The following ANKRD45 variants were observed in gnomAD, a reference collection of about 807,000 sequenced individuals.
ANKRD45 encodes the protein ankyrin repeat domain 45.
Under a neutral mutation model 28.1 loss-of-function variants are expected in ANKRD45, and 21 were observed. That is an observed-to-expected ratio of 0.75 (90% confidence interval 0.53 to 1.08). ANKRD45 has a LOEUF of 1.08. ANKRD45 is among the 50% of genes least tolerant of loss of function. ANKRD45 has a pLI of 0.00. For missense variants in ANKRD45, 261 were observed against 308.7 expected, an observed-to-expected ratio of 0.85 and a Z score of 1.16; for synonymous variants, 86 against 103.9, an observed-to-expected ratio of 0.83 and a Z score of 1.05.
intron 1 of ANKRD45, among the ~76,000 whole-genome samples, chr1:173,663,911 C>T (rs190964121): frequency 6.6e-6 from 1 of 152,296 alleles, no homozygotes; most frequent in East Asian, 1.9e-4. Context: ...ATCCTGGATA[C>T]ATGGCATATA....
chr1:173,713,862 T>G, the ANKRD45 span, among the ~76,000 whole-genome samples: 2 of 152,128 alleles, frequency 1.3e-5, no homozygotes, highest in Non-Finnish European at 2.9e-5. Flanking sequence ...ATATAACTGA[T>G]TTGAGTAATA....
chr1:173,623,055 C>G (rs1189262637), intron 5 of ANKRD45, among the ~76,000 whole-genome samples: 1 of 151,286 alleles, frequency 6.6e-6, no homozygotes, highest in African/African-American at 2.4e-5. Flanking sequence ...GTGGCTCATG[C>G]CTGTAATCTC....
At chr1:173,669,524 C>T in intron 1 of ANKRD45, 1 of 454,946 alleles carries the variant, frequency 2.2e-6, no homozygotes, top group African/African-American at 2.0e-5. Context: ...AAAGTGGCAG[C>T]GCCGCCAGGT....
chr1:173,704,930 C>T, the ANKRD45 span, among the ~76,000 whole-genome samples: 67 of 152,310 alleles, frequency 4.4e-4, 2 homozygotes, highest in East Asian at 0.013. Context: ...CCTCTGCAGC[C>T]CCTCTGGGAA....
chr1:173,670,778 G>T (rs1231759087), upstream of ANKRD45, among the ~76,000 whole-genome samples: 1 of 152,118 alleles, frequency 6.6e-6, no homozygotes, highest in Non-Finnish European at 1.5e-5. Flanking sequence ...GGCACTCTCC[G>T]AATAGATAGA....
intron 3 of ANKRD45, among the ~76,000 whole-genome samples, chr1:173,627,871 T>A (rs2102329009): frequency 6.6e-6 from 1 of 151,820 alleles, no homozygotes; most frequent in South Asian, 2.1e-4. Flanking sequence ...GACTCCTTTC[T>A]TCTGCTTGAG....
Position 173,627,124 on chromosome 1 carries a change from CT to C in ANKRD45, c.531del (p.Val178SerfsTer3). On this transcript the variant is annotated frameshift_variant, in exon 4 of 6. Coordinates refer to ENST00000333279, the MANE Select transcript of ANKRD45 (RefSeq NM_198493.3). LOFTEE classifies it high-confidence loss of function. ...TCTGTGTCAGTAACAGCTAAAGAGA[CT>C]TTTGCAATATATTTTTTCAGAGTCA... ...ARLTLKKYIAKVSLAVTDTEK... is the reference protein window; with the variant it reads ...ARLTLKKYIAXVSLAVTDTEK... 1.2e-6 allele frequency: 2 copies of C among 1,612,994 alleles called. No individual in the cohort carries two copies. Among genetic ancestry groups the C allele is most frequent in the South Asian group, 2.2e-5 (2 of 91,026 alleles).
the ANKRD45 span, among the ~76,000 whole-genome samples, chr1:173,713,291 G>A: frequency 6.6e-6 from 1 of 152,164 alleles, no homozygotes; most frequent in African/African-American, 2.4e-5. Flanking sequence ...AATTATAGCA[G>A]TGGAGGAGAT....
the ANKRD45 span, among the ~76,000 whole-genome samples, chr1:173,684,779 T>G: frequency 1.3e-5 from 2 of 152,210 alleles, no homozygotes; most frequent in Non-Finnish European, 2.9e-5. Flanking sequence ...GGCTATCCTA[T>G]TTTCCCAAGC....
intron 5 of ANKRD45, among the ~76,000 whole-genome samples, chr1:173,622,179 C>T (rs1034434760): frequency 3.3e-5 from 5 of 152,158 alleles, no homozygotes; most frequent in Non-Finnish European, 7.3e-5. Flanking sequence ...AATGGAAAAA[C>T]ATTCCATGCT....
the ANKRD45 span, among the ~76,000 whole-genome samples, chr1:173,687,462 C>G: frequency 2.7e-5 from 3 of 110,412 alleles, no homozygotes; most frequent in Non-Finnish European, 5.3e-5. Context: ...CTACCCCCCC[C>G]CCACCCCTTT....
chr1:173,626,166 G>T (rs1429008891), intron 4 of ANKRD45, among the ~76,000 whole-genome samples: 1 of 152,112 alleles, frequency 6.6e-6, no homozygotes, highest in Non-Finnish European at 1.5e-5. Flanking sequence ...GCTAGACTTG[G>T]TGATATCTTA....
the ANKRD45 span, among the ~76,000 whole-genome samples, chr1:173,711,223 G>A: frequency 4.6e-5 from 7 of 152,288 alleles, no homozygotes; most frequent in East Asian, 1.4e-3. Context: ...ATCTGAGACA[G>A]GTCTCAGTTA....
intron 5 of ANKRD45, among the ~76,000 whole-genome samples, chr1:173,613,087 G>A (rs1667250012): frequency 6.6e-6 from 1 of 150,674 alleles, no homozygotes; most frequent in South Asian, 2.1e-4. Context: ...CTGCTCGGCT[G>A]CCCAGTCTGG....
Position 173,646,789 on chromosome 1 carries a change from A to T in ANKRD45, c.496+57T>A. On this transcript the variant is annotated intron_variant, in intron 3 of 5. Transcript: ENST00000333279. ...AAAAAGGTGACATATCCTGTAACTCATAGGAGAAAAACTCATCACATCAGT... is the reference window on the plus strand; with the variant it reads ...AAAAAGGTGACATATCCTGTAACTCTTAGGAGAAAAACTCATCACATCAGT... The T allele has an allele frequency of 1.9e-6, 3 of 1,551,402 alleles. No individual in the cohort carries two copies. The South Asian group carries it at 3.5e-5, about 18-fold the overall frequency.
chr1:173,668,312 C>T (rs938004483), intron 1 of ANKRD45, among the ~76,000 whole-genome samples: 8 of 152,124 alleles, frequency 5.3e-5, no homozygotes, highest in African/African-American at 1.9e-4. Context: ...TGGTGCAAAC[C>T]ACTCCAGTCA....
At chr1:173,669,583 G>A (rs1670173609) in intron 1 of ANKRD45, 1 of 431,976 alleles carries the variant, frequency 2.3e-6, no homozygotes, top group African/African-American at 2.1e-5. Context: ...GGGCACCAGA[G>A]TTTGCTCTTC....
chr1:173,701,366 A>G, the ANKRD45 span, among the ~76,000 whole-genome samples: 4 of 152,262 alleles, frequency 2.6e-5, no homozygotes, highest in African/African-American at 9.6e-5. Context: ...AGACACATGT[A>G]TACGTATGTT....
intron 3 of ANKRD45, among the ~76,000 whole-genome samples, chr1:173,635,055 G>C (rs541956195): frequency 6.6e-6 from 1 of 152,132 alleles, no homozygotes; most frequent in Non-Finnish European, 1.5e-5. Flanking sequence ...GGTGACATGA[G>C]TAAATTGTTT....
Sources: gnomAD v4.1 joint callset for allele counts (sites outside exome capture counted in the v4.1 genomes callset) on GRCh38, gnomAD v4.1.1 for gene constraint, MANE v1.5 for transcripts, NCBI Gene and HGNC (gene_info 2026-07-23, HGNC 2026-07-21) for gene names.